UNC13C: variants seen among roughly 807,000 people sequenced by gnomAD.
The protein encoded by UNC13C is unc-13 homolog C.
UNC13C carries 174 observed loss-of-function variants against 245.4 expected under a neutral mutation model. That is an observed-to-expected ratio of 0.71 (90% CI 0.63 to 0.80). The LOEUF (loss-of-function observed/expected upper bound fraction) is 0.80, where lower values mean the gene tolerates loss of function less well. Ranked by LOEUF, UNC13C falls within the 30% of genes least tolerant of loss-of-function variation. UNC13C has a pLI of 0.00. For missense variants in UNC13C, 2,829 were observed against 2,602.9 expected (o/e 1.09, Z -1.89); for synonymous variants, 992 against 895.1 (o/e 1.11, Z -1.93).
chr15:53,997,778 C>T (rs1243532397), intron 1 of UNC13C, among the ~76,000 whole-genome samples: 1 of 151,738 alleles, frequency 6.6e-6, no homozygotes, highest in Non-Finnish European at 1.5e-5. Context: ...AGTGTTAATC[C>T]TCCAATATTG....
intron 19 of UNC13C, among the ~76,000 whole-genome samples, chr15:54,435,361 A>T (rs2040960265): frequency 6.6e-6 from 1 of 152,160 alleles, no homozygotes; most frequent in Non-Finnish European, 1.5e-5. Context: ...GGATAAAGAA[A>T]ATGTGGCACA....
intron 2 of UNC13C, among the ~76,000 whole-genome samples, chr15:54,081,846 G>T (rs867503596): frequency 6.6e-6 from 1 of 152,036 alleles, no homozygotes; most frequent in Non-Finnish European, 1.5e-5. Flanking sequence ...TTAGCTAGTT[G>T]CTTTGTACAA....
intron 1 of UNC13C, among the ~76,000 whole-genome samples, chr15:54,002,378 C>CT (rs370626076): frequency 1.1e-4 from 16 of 149,768 alleles, no homozygotes; most frequent in Non-Finnish European, 1.2e-4. Context: ...CTGAGTCTAG[C>CT]TTTTTTTTTT....
intron 4 of UNC13C, among the ~76,000 whole-genome samples, chr15:54,191,661 CCCA>C (rs1432288931): frequency 6.6e-6 from 1 of 152,144 alleles, no homozygotes; most frequent in Admixed American, 6.5e-5. Context: ...GATTTACACT[CCCA>C]CCAACAGTGT....
chr15:54,378,669 A>T (rs1432557587), intron 17 of UNC13C, among the ~76,000 whole-genome samples: 1 of 151,820 alleles, frequency 6.6e-6, no homozygotes, highest in Non-Finnish European at 1.5e-5. Context: ...TTTTGAAGAG[A>T]TTAATTCTTT....
intron 30 of UNC13C, among the ~76,000 whole-genome samples, chr15:54,597,962 G>T (rs1321803453): frequency 6.6e-6 from 1 of 152,086 alleles, no homozygotes; most frequent in East Asian, 1.9e-4. Context: ...AATAATTATT[G>T]GAGCTACCTA....
intron 2 of UNC13C, chr15:54,048,619 T>A (rs577401792): frequency 9.3e-5 from 34 of 365,746 alleles, no homozygotes; most frequent in Non-Finnish European, 1.5e-4. Context: ...ATTTCTGTCA[T>A]AGTAATATTT....
chr15:54,199,639 G>A (rs1052760120), intron 4 of UNC13C, among the ~76,000 whole-genome samples: 1 of 152,084 alleles, frequency 6.6e-6, no homozygotes, highest in Non-Finnish European at 1.5e-5. Context: ...ACAAACAAAT[G>A]CTGACAGAAT....
chr15:53,949,181 C>T, the UNC13C span, among the ~76,000 whole-genome samples: 50,203 of 152,014 alleles, frequency 0.33, 8,348 homozygotes, highest in Middle Eastern at 0.34. Context: ...TTAGGTTGTT[C>T]ACTCTTCGTG....
chr15:54,118,394 A>G (rs2030426676), intron 2 of UNC13C, among the ~76,000 whole-genome samples: 1 of 150,904 alleles, frequency 6.6e-6, no homozygotes, highest in Non-Finnish European at 1.5e-5. Context: ...ATCCCTAAGT[A>G]TTTTCTTCTT....
At chr15:54,363,574 G>A (rs1000436369) in intron 17 of UNC13C, among the ~76,000 whole-genome samples, 12 of 152,218 alleles carry the variant, frequency 7.9e-5, no homozygotes, top group African/African-American at 2.9e-4. Flanking sequence ...GATTTGTCCT[G>A]GAGGAAATGT....
intron 10 of UNC13C, among the ~76,000 whole-genome samples, chr15:54,282,061 A>G (rs1440307196): frequency 6.6e-6 from 1 of 152,088 alleles, no homozygotes; most frequent in Non-Finnish European, 1.5e-5. Flanking sequence ...TCTCTTCTCC[A>G]GTTGGTAGAG....
At chr15:54,361,795 A>C (rs1430422835) in intron 17 of UNC13C, among the ~76,000 whole-genome samples, 1 of 152,220 alleles carries the variant, frequency 6.6e-6, no homozygotes, top group Non-Finnish European at 1.5e-5. Flanking sequence ...TTGAAGCTGA[A>C]ATGCTGCATC....
At chr15:54,172,246 AG>A (rs1370764573) in intron 4 of UNC13C, among the ~76,000 whole-genome samples, 1 of 152,082 alleles carries the variant, frequency 6.6e-6, no homozygotes, top group East Asian at 1.9e-4. Context: ...AATAATTAAA[AG>A]AGTATAATTG....
chr15:54,438,517 T>A (rs923856920), intron 19 of UNC13C, among the ~76,000 whole-genome samples: 2 of 152,008 alleles, frequency 1.3e-5, no homozygotes, highest in African/African-American at 2.4e-5. Context: ...TCTTTCTTAG[T>A]TCCTGGTTAC....
At chr15:54,458,284 A>G (rs1365079376) in intron 19 of UNC13C, among the ~76,000 whole-genome samples, 1 of 152,058 alleles carries the variant, frequency 6.6e-6, no homozygotes, top group Non-Finnish European at 1.5e-5. Context: ...AAATTTATTG[A>G]GACTTGTTTT....
chr15:54,022,264 G>T (rs1361289437), intron 2 of UNC13C, among the ~76,000 whole-genome samples: 1 of 151,906 alleles, frequency 6.6e-6, no homozygotes, highest in African/African-American at 2.4e-5. Flanking sequence ...TCATCTTTTT[G>T]ATCGTCATTG....
rs1596022744 is a variant in UNC13C at position 54,217,078 on chromosome 15, G to C, written c.3072-17952G>C. On this transcript the variant is annotated intron_variant, in intron 4 of 32. Transcript: ENST00000260323. Reference sequence around the variant, plus strand: ...AGGAGTTAATGGAGAGAAGATGTGAGAGTCTGGAACAATTAGTACTGAGGA... The same window carrying C: ...AGGAGTTAATGGAGAGAAGATGTGACAGTCTGGAACAATTAGTACTGAGGA... Among the ~76,000 whole-genome samples, 8 of 152,152 alleles carry C rather than the reference G, an allele frequency of 5.3e-5. 2 individuals are homozygous for C. Among genetic ancestry groups the C allele is most frequent in the Admixed American group, 5.2e-4 (8 of 15,256 alleles).
Position 54,014,203 on chromosome 15 carries a change from T to C in UNC13C, c.1300T>C (p.Leu434=), listed in dbSNP as rs1038703089. 1.9e-6 allele frequency: 3 copies of C among 1,613,822 alleles called. No individual in the cohort carries two copies. The highest frequency in any genetic ancestry group is 2.5e-6 in the Non-Finnish European group (3 of 1,179,818). Residue 434 remains leucine, a synonymous_variant, in exon 2 of 33, where the codon TTG becomes CTG. Transcript: ENST00000260323. ...GACATATGAGAGCATGGCTATAAAG[T>C]TGTCTACTCCAGAGCCAAAAATCAA... The part of the protein sequence containing the change: ...SQTYESMAIK[L]STPEPKIKKN...
Sources: gnomAD v4.1 joint callset for allele counts (sites outside exome capture counted in the v4.1 genomes callset) on GRCh38, gnomAD v4.1.1 for gene constraint, MANE v1.5 for transcripts, NCBI Gene and HGNC (gene_info 2026-07-23, HGNC 2026-07-21) for gene names.